Variants in TRMT11 observed in about 807,000 individuals in gnomAD.
TRMT11 encodes tRNA methyltransferase 11.
Under a neutral mutation model 62.8 loss-of-function variants are expected in TRMT11, and 53 were observed. The ratio of observed to expected loss-of-function variants is 0.84; its 90% confidence interval spans 0.68 to 1.06. TRMT11 has a LOEUF of 1.06. Ranked by LOEUF, TRMT11 falls within the 50% of genes least tolerant of loss-of-function variation. TRMT11 has a pLI of 0.00. For synonymous variants in TRMT11, 188 were observed against 190.3 expected (o/e 0.99, Z 0.10); for missense variants, 556 against 553.4 (o/e 1.00, Z -0.05).
At chr6:126,162,674 T>C (rs1778205133) in intron 21 of TRMT11, among the ~76,000 whole-genome samples, 1 of 152,230 alleles carries the variant, frequency 6.6e-6, no homozygotes, top group African/African-American at 2.4e-5. Context: ...TTTTATGATA[T>C]TGATTCTTCC....
upstream of TRMT11, among the ~76,000 whole-genome samples, chr6:126,173,396 C>T (rs1778351828): frequency 6.6e-6 from 1 of 152,160 alleles, no homozygotes. Context: ...CCTCACATAG[C>T]TTTCTGGCAT....
At chr6:126,064,013 G>C (rs1046688497) in intron 17 of TRMT11, among the ~76,000 whole-genome samples, 3 of 152,124 alleles carry the variant, frequency 2.0e-5, no homozygotes, top group Non-Finnish European at 2.9e-5. Context: ...ATATGATTTG[G>C]CATCTTACAT....
At chr6:126,083,838 A>C (rs1348307266) in intron 17 of TRMT11, among the ~76,000 whole-genome samples, 1 of 152,150 alleles carries the variant, frequency 6.6e-6, no homozygotes, top group Non-Finnish European at 1.5e-5. Flanking sequence ...TTGATTTTAA[A>C]AATATTGCAC....
intron 21 of TRMT11, among the ~76,000 whole-genome samples, chr6:126,139,013 A>G (rs2128212978): frequency 6.6e-6 from 1 of 152,136 alleles, no homozygotes; most frequent in East Asian, 1.9e-4. Context: ...ACCTAGGAAA[A>G]CAATAATGCA....
chr6:126,254,880 A>G, the TRMT11 span, among the ~76,000 whole-genome samples: 11 of 152,332 alleles, frequency 7.2e-5, no homozygotes, highest in East Asian at 1.2e-3. Context: ...AAACATAAAA[A>G]AAAACACCTT....
At chr6:126,105,688 CAT>C (rs1257194960) in intron 17 of TRMT11, among the ~76,000 whole-genome samples, 1 of 151,846 alleles carries the variant, frequency 6.6e-6, no homozygotes, top group Non-Finnish European at 1.5e-5. Context: ...TGAAAACCAA[CAT>C]GATGTATCTT....
chr6:126,113,422 G>T (rs1281677951), intron 18 of TRMT11, among the ~76,000 whole-genome samples: 1 of 151,994 alleles, frequency 6.6e-6, no homozygotes, highest in African/African-American at 2.4e-5. Flanking sequence ...CTACATTAGT[G>T]GTTGAGGCAG....
chr6:126,154,325 ATGTGTGTGTGTGTATG>A (rs979498621), intron 21 of TRMT11, among the ~76,000 whole-genome samples: 3 of 148,050 alleles, frequency 2.0e-5, no homozygotes, highest in African/African-American at 5.2e-5. Context: ...TAATAAAGAT[ATGTGTGTGTGTGTATG>A]TGTGTGTGTG....
chr6:126,215,029 T>C, the TRMT11 span, among the ~76,000 whole-genome samples: 1 of 152,014 alleles, frequency 6.6e-6, no homozygotes, highest in Admixed American at 6.6e-5. Context: ...TCTGGTTTTA[T>C]TCCATTGTGG....
At chr6:126,094,243 T>A (rs1288920299) in intron 17 of TRMT11, among the ~76,000 whole-genome samples, 1 of 152,204 alleles carries the variant, frequency 6.6e-6, no homozygotes, top group Non-Finnish European at 1.5e-5. Context: ...AAATCTCATG[T>A]GTCACTTAGA....
At chr6:126,074,266 A>G (rs1776946470) in intron 17 of TRMT11, among the ~76,000 whole-genome samples, 1 of 152,186 alleles carries the variant, frequency 6.6e-6, no homozygotes, top group African/African-American at 2.4e-5. Context: ...CAACTCCTGT[A>G]TGTGTCTCTG....
intron 1 of TRMT11, among the ~76,000 whole-genome samples, chr6:126,178,529 T>C (rs1778417111): frequency 6.6e-6 from 1 of 152,250 alleles, no homozygotes; most frequent in Non-Finnish European, 1.5e-5. Context: ...TCATACAATA[T>C]ATCTGTCTCT....
At chr6:126,043,151 C>G, downstream of TRMT11, among the ~76,000 whole-genome samples, 1 of 148,824 alleles carries the variant, frequency 6.7e-6, no homozygotes, top group South Asian at 2.2e-4. Flanking sequence ...GTGCTGCACC[C>G]ATTAACTCAT....
intron 21 of TRMT11, among the ~76,000 whole-genome samples, chr6:126,169,464 T>C (rs1307586715): frequency 6.6e-6 from 1 of 152,212 alleles, no homozygotes; most frequent in African/African-American, 2.4e-5. Context: ...GACTCATCAG[T>C]CTGAACTTAG....
intron 21 of TRMT11, among the ~76,000 whole-genome samples, chr6:126,153,712 G>T (rs535716001): frequency 6.6e-6 from 1 of 152,164 alleles, no homozygotes; most frequent in Non-Finnish European, 1.5e-5. Flanking sequence ...CCACATCACA[G>T]ATAATAAAGT....
chr6:126,016,864 G>A (rs1795061152), intron 11 of TRMT11, among the ~76,000 whole-genome samples: 1 of 152,072 alleles, frequency 6.6e-6, no homozygotes, highest in South Asian at 2.1e-4. Flanking sequence ...GACCTCAATT[G>A]TGTCTTCTCT....
chr6:126,047,806 G>A (rs1776103016), intron 16 of TRMT11, among the ~76,000 whole-genome samples: 1 of 152,178 alleles, frequency 6.6e-6, no homozygotes, highest in Non-Finnish European at 1.5e-5. Flanking sequence ...CAAGTTCCAC[G>A]AAGGAGTCAG....
At chr6:126,270,235 A>C in the TRMT11 span, among the ~76,000 whole-genome samples, 3 of 152,184 alleles carry the variant, frequency 2.0e-5, no homozygotes, top group Non-Finnish European at 4.4e-5. Flanking sequence ...GAGTGTAGAA[A>C]TTCTGAAACC....
At chr6:126,088,632 A>G (rs1777240143) in intron 17 of TRMT11, among the ~76,000 whole-genome samples, 1 of 152,214 alleles carries the variant, frequency 6.6e-6, no homozygotes, top group Non-Finnish European at 1.5e-5. Context: ...GTGCAAAGCT[A>G]TATATGAACT....
Sources: allele counts gnomAD v4.1 joint callset (sites outside exome capture counted in the v4.1 genomes callset), GRCh38; gene constraint gnomAD v4.1.1; transcripts MANE v1.5; gene names NCBI Gene and HGNC (gene_info 2026-07-23, HGNC 2026-07-21).